GDPD5: variants seen among roughly 807,000 people sequenced by gnomAD.
The protein encoded by GDPD5 is glycerophosphodiester phosphodiesterase domain containing 5.
Under a neutral mutation model 75.1 loss-of-function variants are expected in GDPD5, and 48 were observed. The observed-to-expected ratio is 0.64, with a 90% CI of 0.51 to 0.81. The LOEUF (loss-of-function observed/expected upper bound fraction) is 0.81, where lower values mean the gene tolerates loss of function less well. GDPD5 is among the 40% of genes least tolerant of loss of function. The pLI is 0.00. For missense variants in GDPD5, 706 were observed against 822.6 expected, an observed-to-expected ratio of 0.86 and a Z score of 1.73; for synonymous variants, 336 against 339.0, an observed-to-expected ratio of 0.99 and a Z score of 0.10.
intron 5 of GDPD5, among the ~76,000 whole-genome samples, chr11:75,457,450 A>C (rs1949308346): frequency 6.6e-6 from 1 of 152,258 alleles, no homozygotes; most frequent in Non-Finnish European, 1.5e-5. Flanking sequence ...CCAACTTCCT[A>C]CTAGTGGCAT....
At chr11:75,520,759 T>C (rs72989932) in intron 1 of GDPD5, among the ~76,000 whole-genome samples, 4,026 of 152,316 alleles carry the variant, frequency 0.026, 84 homozygotes, top group African/African-American at 0.045. Flanking sequence ...AGTGTGTGTT[T>C]GCCACCACCC....
intron 9 of GDPD5, among the ~76,000 whole-genome samples, chr11:75,446,611 A>T (rs1182911347): frequency 1.3e-5 from 2 of 152,226 alleles, no homozygotes; most frequent in Admixed American, 6.5e-5. Flanking sequence ...GCACAGAGGG[A>T]CAGGCCACAT....
chr11:75,475,951 A>T (rs1415880990), intron 3 of GDPD5, among the ~76,000 whole-genome samples: 1 of 152,214 alleles, frequency 6.6e-6, no homozygotes, highest in African/African-American at 2.4e-5. Flanking sequence ...GCTGCAGCCA[A>T]GATCATCACT....
At position 75,457,605 on chromosome 11, in the gene GDPD5, G is replaced by C. The variant is rs191475902; in HGVS notation, c.315+88C>G. On this transcript the variant is annotated intron_variant, in intron 5 of 16. Transcript: ENST00000336898. ...AAATACAGCTTTCCCCTTTATACCA[G>C]GGTGGGACCCTCCATCAGCCCAGCA... 24 of 1,010,088 alleles carry C rather than the reference G, an allele frequency of 2.4e-5. No individual in the cohort carries two copies. In the African/African-American group the frequency reaches 3.5e-4, roughly 15 times the overall value. 62.6% of individuals were successfully genotyped at this position (1,010,088 alleles called of 1,614,324 possible).
chr11:75,514,431 G>T (rs1324573873), intron 1 of GDPD5, among the ~76,000 whole-genome samples: 2 of 152,280 alleles, frequency 1.3e-5, no homozygotes, highest in East Asian at 1.9e-4. Flanking sequence ...GCCACACAGT[G>T]AGACGGAGGT....
chr11:75,480,235 T>C (rs1359392585), intron 2 of GDPD5, among the ~76,000 whole-genome samples: 1 of 151,086 alleles, frequency 6.6e-6, no homozygotes, highest in Non-Finnish European at 1.5e-5. Flanking sequence ...CTCGGGAGGC[T>C]GAGGCAAGAA....
chr11:75,442,737 C>T (rs1948858695), intron 11 of GDPD5, 156 bp from the exon 12 acceptor site: 3 of 666,972 alleles, frequency 4.5e-6, no homozygotes, highest in Non-Finnish European at 7.6e-6. Context: ...CTGTAGGAGG[C>T]CCCAGCCCTA....
intron 5 of GDPD5, among the ~76,000 whole-genome samples, chr11:75,457,246 C>T (rs1949304416): frequency 6.6e-6 from 1 of 152,194 alleles, no homozygotes; most frequent in South Asian, 2.1e-4. Flanking sequence ...AGCAGAGGCT[C>T]CTGGAAGAGG....
rs751686450 is a variant in GDPD5, at chr11:75,441,264, C to T, written c.1372G>A (p.Ala458Thr). 4.3e-6 allele frequency: 7 copies of T among 1,613,980 alleles called. No individual in the cohort carries two copies. The highest frequency in any genetic ancestry group is 5.9e-6 in the Non-Finnish European group (7 of 1,180,022). ...NLSVNLYTVN[A>T]PWLFSLLWCA... ...CACAGCAGGGAGAAGAGCCACGGTG[C>T]GTTGACTGTGTAGAGGTTCACACTC... is the stretch of plus-strand genomic sequence containing the variant. Residue 458 changes from alanine (A) to threonine (T), a missense_variant, in exon 14 of 17, where the codon GCA becomes ACA. Ala to Thr is a moderately conservative substitution (Grantham distance 58). Transcript: ENST00000336898.
chr11:75,518,648 T>C (rs537612340), intron 1 of GDPD5, among the ~76,000 whole-genome samples: 1 of 152,192 alleles, frequency 6.6e-6, no homozygotes, highest in Non-Finnish European at 1.5e-5. Flanking sequence ...AAGGGATTTA[T>C]TACCCTGACC....
intron 5 of GDPD5, 145 bp from the exon 6 acceptor site, chr11:75,456,961 C>T (rs758951360): frequency 1.9e-5 from 14 of 745,730 alleles, no homozygotes; most frequent in Non-Finnish European, 3.3e-5. Flanking sequence ...TGGGAATGCG[C>T]TGCCCTCCCC....
chr11:75,518,333 G>C (rs943216664), intron 1 of GDPD5, among the ~76,000 whole-genome samples: 2 of 152,228 alleles, frequency 1.3e-5, no homozygotes, highest in Non-Finnish European at 2.9e-5. Context: ...AAGGTCCTGG[G>C]GGGAGGAAGC....
chr11:75,443,375 C>T (rs1006887202), intron 10 of GDPD5, 89 bp from the exon 11 acceptor site: 1 of 1,445,226 alleles, frequency 6.9e-7, no homozygotes, highest in Non-Finnish European at 9.3e-7. Flanking sequence ...GTCCTCCCCA[C>T]CCAGCACAGG....
chr11:75,444,709 G>A (rs1948943101), intron 9 of GDPD5, among the ~76,000 whole-genome samples: 1 of 152,150 alleles, frequency 6.6e-6, no homozygotes, highest in African/African-American at 2.4e-5. Context: ...TGGTTTTACT[G>A]GGGGCGGGGG....
At chr11:75,486,764 C>T (rs1180481641) in intron 2 of GDPD5, among the ~76,000 whole-genome samples, 1 of 152,174 alleles carries the variant, frequency 6.6e-6, no homozygotes, top group Non-Finnish European at 1.5e-5. Flanking sequence ...CTTCTGGATC[C>T]CACAAATCTG....
intron 4 of GDPD5, among the ~76,000 whole-genome samples, chr11:75,459,807 C>CAAA (rs767929482): frequency 1.3e-5 from 1 of 75,646 alleles, no homozygotes; most frequent in Non-Finnish European, 2.8e-5. Context: ...GAGACTGTCT[C>CAAA]AAAAAAAAAA....
At chr11:75,469,025 G>A (rs139250026) in intron 3 of GDPD5, among the ~76,000 whole-genome samples, 2 of 152,314 alleles carry the variant, frequency 1.3e-5, no homozygotes, top group African/African-American at 4.8e-5. Context: ...ATCATTTCGC[G>A]TCTGACAGCC....
At chr11:75,514,146 A>G (rs1293940069) in intron 1 of GDPD5, among the ~76,000 whole-genome samples, 1 of 152,106 alleles carries the variant, frequency 6.6e-6, no homozygotes, top group African/African-American at 2.4e-5. Flanking sequence ...GGGAGGCAAA[A>G]CCCTACCTAC....
At chr11:75,443,693 G>A (rs933837250) in intron 10 of GDPD5, among the ~76,000 whole-genome samples, 1 of 152,208 alleles carries the variant, frequency 6.6e-6, no homozygotes, top group Non-Finnish European at 1.5e-5. Flanking sequence ...GTGATGCTAT[G>A]ATGAGAACAG....
Sources: allele counts gnomAD v4.1 joint callset (sites outside exome capture counted in the v4.1 genomes callset), GRCh38; gene constraint gnomAD v4.1.1; transcripts MANE v1.5; gene names NCBI Gene and HGNC (gene_info 2026-07-23, HGNC 2026-07-21).